The following DPYSL2 variants were observed in gnomAD, a reference collection of about 807,000 sequenced individuals.
DPYSL2 encodes dihydropyrimidinase-related protein 2.
In DPYSL2, 13 loss-of-function variants were observed where a neutral mutation model predicts 69.9. The ratio of observed to expected loss-of-function variants is 0.19; its 90% CI spans 0.12 to 0.30. The LOEUF (loss-of-function observed/expected upper bound fraction) is 0.30, where lower values mean the gene tolerates loss of function less well. Among genes scored for constraint, DPYSL2 ranks in the 10% least tolerant of loss-of-function variants. DPYSL2 has a pLI of 1.00. For missense variants in DPYSL2, 587 were observed against 918.9 expected (o/e 0.64, Z 4.67); for synonymous variants, 326 against 359.1 (o/e 0.91, Z 1.04).
In DPYSL2 at chr8:26,641,246, T is replaced by G. The variant is rs1015838056; in HGVS notation, c.1127-2193T>G. Among the ~76,000 whole-genome samples the G allele has an allele frequency of 6.6e-6, 1 of 152,248 alleles. No homozygotes were observed. The highest frequency in any genetic ancestry group is 6.5e-5 in the Admixed American group (1 of 15,290). On this transcript the variant is annotated intron_variant, in intron 8 of 13. Transcript: ENST00000521913. The surrounding 1 kb of genome is among the most constrained non-coding windows in gnomAD (Gnocchi z 4.1). ...TTTTCAGAGACTATCCAGCCATTCT[T>G]TATCTCCAAGTGCCTCTGCTCTCAT...
At chr8:26,578,324 G>A (rs1354318691) in intron 1 of DPYSL2, 5 of 1,613,936 alleles carry the variant, frequency 3.1e-6, no homozygotes, top group African/African-American at 1.3e-5. Flanking sequence ...ATCTGCGGTC[G>A]GCCAGCCACC....
intron 3 of DPYSL2, among the ~76,000 whole-genome samples, chr8:26,594,195 A>T (rs961400451): frequency 2.0e-5 from 3 of 152,178 alleles, no homozygotes; most frequent in African/African-American, 4.8e-5. Flanking sequence ...ATCAATTCTT[A>T]TGTCTTACGA....
intron 3 of DPYSL2, among the ~76,000 whole-genome samples, chr8:26,601,965 G>T (rs1802002629): frequency 6.6e-6 from 1 of 152,226 alleles, no homozygotes; most frequent in Non-Finnish European, 1.5e-5. Context: ...TTGTTATTTA[G>T]GTTTGCCTGG....
chr8:26,648,772 C>G lies in DPYSL2; in HGVS notation c.1596+972C>G, dbSNP rs1361403512. Among the ~76,000 whole-genome samples the G allele has an allele frequency of 6.6e-6, 1 of 152,236 alleles. No individual in the cohort carries two copies. The highest frequency in any genetic ancestry group is 2.4e-5 in the African/African-American group (1 of 41,474). ...GACAACCCTGGGACTTTGCCCTGTCCCAGTCCTCTCTCATTTGCACACACA... is the reference window on the plus strand; with the variant it reads ...GACAACCCTGGGACTTTGCCCTGTCGCAGTCCTCTCTCATTTGCACACACA... On this transcript the variant is annotated intron_variant, in intron 11 of 13. Coordinates refer to ENST00000521913, the MANE Select transcript of DPYSL2 (RefSeq NM_001197293.3). The surrounding 1 kb of genome is among the most constrained non-coding windows in gnomAD (Gnocchi z 4.3).
Position 26,655,749 on chromosome 8 carries a change from A to G in DPYSL2, c.*43A>G. The G allele has an allele frequency of 7.0e-7, 1 of 1,419,938 alleles. No homozygotes were observed. The highest frequency in any genetic ancestry group is 9.5e-7 in the Non-Finnish European group (1 of 1,057,622). The allele number at this position is 1,419,938 out of a possible 1,614,324, so 88.0% of individuals were successfully genotyped here. A position where few individuals can be genotyped will look rare whatever the true frequency, so the allele number is the denominator to read the frequency against. ...GTCCACTGGGGACTGGGGATGGGAC[A>G]CCTGAGGACATTCTGAGACTTCTTT... On this transcript the variant is annotated 3_prime_UTR_variant, in exon 14 of 14. Coordinates refer to ENST00000521913, the MANE Select transcript of DPYSL2 (RefSeq NM_001197293.3).
intron 4 of DPYSL2, among the ~76,000 whole-genome samples, chr8:26,625,937 T>A (rs73567630): frequency 0.022 from 3,299 of 152,226 alleles, 108 homozygotes; most frequent in African/African-American, 0.073. Flanking sequence ...CATCCACAGG[T>A]CTCTTTATCT....
rs1190583074 is a variant in DPYSL2, at chr8:26,514,820, G to C, written c.354+141G>C. 5 of 782,828 alleles carry C rather than the reference G, an allele frequency of 6.4e-6. No homozygotes were observed. The highest frequency in any genetic ancestry group is 9.2e-6 in the Non-Finnish European group (5 of 544,444). 48.5% of individuals were successfully genotyped at this position (782,828 alleles called of 1,614,324 possible). A position where few individuals can be genotyped will look rare whatever the true frequency, so the allele number is the denominator to read the frequency against. On this transcript the variant is annotated intron_variant, in intron 1 of 13. Coordinates refer to ENST00000521913, the MANE Select transcript of DPYSL2 (RefSeq NM_001197293.3). This position sits in a 1 kb window ranked among gnomAD's most constrained non-coding sequence, Gnocchi z 8.4. ...TCTGCACGCGCACCCCGCCCTACCCGCCCCTTCTCCGCGCAGGGTGCGGCG... is the reference window on the plus strand; with the variant it reads ...TCTGCACGCGCACCCCGCCCTACCCCCCCCTTCTCCGCGCAGGGTGCGGCG...
At chr8:26,548,303 G>T in intron 1 of DPYSL2, 1 of 230,422 alleles carries the variant, frequency 4.3e-6, no homozygotes, top group Non-Finnish European at 8.6e-6. Context: ...GGGACACCGT[G>T]CTTGAACTGA....
In DPYSL2 at chr8:26,588,598, G is replaced by A. The variant is rs1485946887; in HGVS notation, c.628+4615G>A. Among the ~76,000 whole-genome samples the A allele has an allele frequency of 6.6e-6, 1 of 152,118 alleles. No homozygotes were observed. The highest frequency in any genetic ancestry group is 1.5e-5 in the Non-Finnish European group (1 of 68,016). On this transcript the variant is annotated intron_variant, in intron 3 of 13. Transcript: ENST00000521913. The surrounding 1 kb of genome is among the most constrained non-coding windows in gnomAD (Gnocchi z 5.4). Reference sequence around the variant, plus strand: ...GGCTTCCTGGTCCCTGGGTAGCACCGCACAGCAGAGATGGGGACTGGACTC... The same window carrying A: ...GGCTTCCTGGTCCCTGGGTAGCACCACACAGCAGAGATGGGGACTGGACTC...
At chr8:26,537,526 A>C (rs559432936) in intron 1 of DPYSL2, among the ~76,000 whole-genome samples, 36 of 152,214 alleles carry the variant, frequency 2.4e-4, no homozygotes, top group South Asian at 8.3e-4. Flanking sequence ...AGTTACAAAA[A>C]TGATGCAGAA....
At chr8:26,547,997 T>C (rs2117632333) in intron 1 of DPYSL2, 1 of 264,740 alleles carries the variant, frequency 3.8e-6, no homozygotes, top group African/African-American at 2.2e-5. Flanking sequence ...GTCCTTTTCC[T>C]GTTCCCCTGG....
intron 3 of DPYSL2, among the ~76,000 whole-genome samples, chr8:26,595,306 C>G (rs1024580078): frequency 6.6e-6 from 1 of 151,932 alleles, no homozygotes; most frequent in Non-Finnish European, 1.5e-5. Context: ...TTACTTTTCG[C>G]TATTTTTTTT....
chr8:26,578,603 A>G, intron 1 of DPYSL2: 2 of 1,256,978 alleles, frequency 1.6e-6, no homozygotes, highest in Non-Finnish European at 2.0e-6. Context: ...CGCGGGGTGC[A>G]AGCAAATGGA....
chr8:26,608,131 A>T (rs1802147549), intron 3 of DPYSL2, among the ~76,000 whole-genome samples: 1 of 152,144 alleles, frequency 6.6e-6, no homozygotes, highest in Non-Finnish European at 1.5e-5. Context: ...CCATGTTCAC[A>T]GTATATTGAT....
Position 26,516,934 on chromosome 8 carries a change from T to C in DPYSL2, c.354+2255T>C, listed in dbSNP as rs932815019. 1.3e-5 allele frequency among the ~76,000 whole-genome samples: 2 copies of C among 152,224 alleles called. No individual in the cohort carries two copies. The highest frequency in any genetic ancestry group is 4.8e-5 in the African/African-American group (2 of 41,460). On this transcript the variant is annotated intron_variant, in intron 1 of 13. Coordinates refer to ENST00000521913, the MANE Select transcript of DPYSL2 (RefSeq NM_001197293.3). This position sits in a 1 kb window ranked among gnomAD's most constrained non-coding sequence, Gnocchi z 4.8. ...ATACATGTGTTTATATTTATAACAA[T>C]GTGACTTCCGAAAAGCTCAACTGGC...
At chr8:26,615,450 G>A (rs545207289) in intron 3 of DPYSL2, among the ~76,000 whole-genome samples, 1 of 152,158 alleles carries the variant, frequency 6.6e-6, no homozygotes, top group African/African-American at 2.4e-5. Flanking sequence ...AGGGAGGACC[G>A]ACGGGAGAGC....
intron 3 of DPYSL2, among the ~76,000 whole-genome samples, chr8:26,622,333 CATT>C (rs1444068135): frequency 5.9e-5 from 9 of 151,970 alleles, no homozygotes; most frequent in Admixed American, 2.0e-4. Context: ...TATTAGATAA[CATT>C]ATCTGTATTA....
chr8:26,569,753 G>A (rs557685509), intron 1 of DPYSL2, among the ~76,000 whole-genome samples: 80 of 152,302 alleles, frequency 5.3e-4, no homozygotes, highest in African/African-American at 1.8e-3. Flanking sequence ...AGGTCATGGA[G>A]GGCCTCCCTG....
chr8:26,624,159 T>G lies in DPYSL2; in HGVS notation c.645T>G (p.Pro215=), dbSNP rs748158942. Residue 215 remains proline (P), a synonymous_variant, in exon 4 of 14, where the codon CCT becomes CCG. Coordinates refer to ENST00000521913, the MANE Select transcript of DPYSL2 (RefSeq NM_001197293.3). This position sits in a 1 kb window ranked among gnomAD's most constrained non-coding sequence, Gnocchi z 4.7. ...TCTTTCTAGTTGACCACGTTGTTCC[T>G]GAGCCTGGGACAAGCCTGCTCGCTG... The part of the protein sequence containing the change: ...GTTMIIDHVV[P]EPGTSLLAAF... 4 of 1,614,236 alleles carry G rather than the reference T, an allele frequency of 2.5e-6. No individual in the cohort carries two copies. In the South Asian group the frequency reaches 4.4e-5, roughly 18 times the overall value.
Sources: gnomAD v4.1 joint callset for allele counts (sites outside exome capture counted in the v4.1 genomes callset) on GRCh38, gnomAD v4.1.1 for gene constraint, Gnocchi (gnomAD v3.1) non-coding constraint, MANE v1.5 for transcripts, NCBI Gene and HGNC (gene_info 2026-07-23, HGNC 2026-07-21) for gene names.